Variants in DNAH8 observed in about 807,000 individuals in gnomAD.
DNAH8 encodes the protein axonemal beta dynein heavy chain 8.
Under a neutral mutation model 562.1 loss-of-function variants are expected in DNAH8, and 382 were observed. That is an observed-to-expected ratio of 0.68 (90% CI 0.63 to 0.74). DNAH8 has a LOEUF of 0.74. DNAH8 is among the 30% of genes least tolerant of loss of function. DNAH8 has a pLI of 0.00. For synonymous variants in DNAH8, 1,881 were observed against 1,919.4 expected (o/e 0.98, Z 0.52); for missense variants, 5,203 against 5,620.4 (o/e 0.93, Z 2.37).
chr6:38,875,444 T>A (rs1777919524), intron 52 of DNAH8, 147 bp from the exon 53 acceptor site: 1 of 528,044 alleles, frequency 1.9e-6, no homozygotes, highest in Non-Finnish European at 3.2e-6. Flanking sequence ...CTACGTGCTG[T>A]TGGCTGTAGG....
At chr6:38,880,437 A>G (rs555327091) in intron 53 of DNAH8, among the ~76,000 whole-genome samples, 1 of 152,302 alleles carries the variant, frequency 6.6e-6, no homozygotes, top group South Asian at 2.1e-4. Context: ...AGCAAAATCT[A>G]GCCAGTGCGA....
Position 38,872,515 on chromosome 6 carries a change from AT to A in DNAH8, c.6991-18del. ...AGAGACTCATAAATTACATATTTTA[AT>A]TTACTGGTTAATTGTGTAGTTATAT... is the stretch of plus-strand genomic sequence containing the variant. On this transcript the variant is annotated intron_variant, in intron 49 of 92. Transcript: ENST00000327475. The A allele has an allele frequency of 6.2e-7, 1 of 1,602,704 alleles. No individual in the cohort carries two copies. Among genetic ancestry groups the A allele is most frequent in the Non-Finnish European group, 8.5e-7 (1 of 1,172,812 alleles).
At chr6:38,988,125 T>G (rs771177942) in intron 87 of DNAH8, among the ~76,000 whole-genome samples, 30 of 152,236 alleles carry the variant, frequency 2.0e-4, no homozygotes, top group Non-Finnish European at 4.1e-4. Context: ...CCCTCTGACT[T>G]TCAATCTCGG....
rs1385617491 is a variant in DNAH8, at chr6:38,805,513, A to G, written c.3067A>G (p.Thr1023Ala). 1 of 1,610,720 alleles carries G rather than the reference A, an allele frequency of 6.2e-7. No homozygotes were observed. ...QRKHVVFGSE[T>A]GEGENNDYEA... ...GAAACACGTTGTTTTTGGAAGTGAA[A>G]CAGGAGAGGGTGAAAACAATGACTA... The change falls in exon 23 of 93, where the codon ACA (threonine) becomes GCA (alanine). Residue 1023 changes from threonine (T) to alanine (A), a missense_variant. Coordinates refer to ENST00000327475, the MANE Select transcript of DNAH8 (RefSeq NM_001206927.2).
intron 74 of DNAH8, among the ~76,000 whole-genome samples, chr6:38,929,161 G>T (rs1782339637): frequency 6.6e-6 from 1 of 152,112 alleles, no homozygotes; most frequent in African/African-American, 2.4e-5. Context: ...TATGCAAGTT[G>T]CTTTGCTTTC....
chr6:39,017,288 C>T (rs1766629445), intron 91 of DNAH8, among the ~76,000 whole-genome samples: 1 of 152,076 alleles, frequency 6.6e-6, no homozygotes, highest in Admixed American at 6.5e-5. Flanking sequence ...CTTTTCAGTG[C>T]ATCGTGTAAC....
rs150525261 is a variant in DNAH8, at chr6:38,823,876, G to A, written c.3847+188G>A. Among the ~76,000 whole-genome samples, 559 of 151,974 alleles carry A rather than the reference G, an allele frequency of 3.7e-3. 6 individuals are homozygous for A. Among genetic ancestry groups the A allele is most frequent in the African/African-American group, 0.013 (545 of 41,426 alleles). The stretch of plus-strand genomic sequence containing the variant: ...TTATAATATTATTATACCATTAAAA[G>A]TAATGGCAAAAACTGCAATTACTTT... On this transcript the variant is annotated intron_variant, in intron 28 of 92. Coordinates refer to ENST00000327475, the MANE Select transcript of DNAH8 (RefSeq NM_001206927.2).
At chr6:38,799,822 C>G (rs910095258) in intron 21 of DNAH8, among the ~76,000 whole-genome samples, 1 of 152,186 alleles carries the variant, frequency 6.6e-6, no homozygotes, top group Non-Finnish European at 1.5e-5. Context: ...TATAGACATG[C>G]CTATTCTGGA....
At position 38,918,079 on chromosome 6, in the gene DNAH8, T is replaced by C. The variant is rs1781447088; in HGVS notation, c.10463T>C (p.Leu3488Pro). 1 of 1,613,880 alleles carries C rather than the reference T, an allele frequency of 6.2e-7. No homozygotes were observed. Among genetic ancestry groups the C allele is most frequent in the East Asian group, 2.2e-5 (1 of 44,848 alleles). Reference protein sequence around the residue: ...KKVCGNVAGLLSWTLAMAIFY... With the variant: ...KKVCGNVAGLPSWTLAMAIFY... ...GTCTGTGGGAATGTGGCTGGTCTCC[T>C]GTCTTGGACACTTGCTATGGCAATA... The change falls in exon 70 of 93, where the codon CTG becomes CCG. Residue 3488 changes from leucine (L) to proline (P), a missense_variant. By Grantham distance (98) the Leu-to-Pro change is moderately conservative (BLOSUM62 -3). Around this residue, in one of 6 missense-constraint regions of DNAH8, gnomAD observed 1,399 missense variants for 1,518.4 expected, o/e 0.92. Transcript: ENST00000327475.
chr6:38,983,579 CA>C (rs1316982489), intron 86 of DNAH8, among the ~76,000 whole-genome samples: 3 of 152,026 alleles, frequency 2.0e-5, no homozygotes, highest in African/African-American at 7.2e-5. Context: ...AAAAAGTAAA[CA>C]AAAAGCAAAT....
chr6:39,027,559 G>A (rs1219029930), intron 92 of DNAH8, among the ~76,000 whole-genome samples: 2 of 152,340 alleles, frequency 1.3e-5, no homozygotes, highest in East Asian at 3.9e-4. Flanking sequence ...CAGGCACGGT[G>A]GCTCACGCCT....
Position 38,863,859 on chromosome 6 carries a change from G to C in DNAH8, c.6311-14G>C, listed in dbSNP as rs373968930. On this transcript the variant is annotated splice_polypyrimidine_tract_variant and intron_variant, in intron 44 of 92. Coordinates refer to ENST00000327475, the MANE Select transcript of DNAH8 (RefSeq NM_001206927.2). ...TAGAGTAAAACTTTACAAATTAACTGTTTTTCATGCCAGGTCTTGCACAGT... is the reference window on the plus strand; with the variant it reads ...TAGAGTAAAACTTTACAAATTAACTCTTTTTCATGCCAGGTCTTGCACAGT... 1 of 1,569,768 alleles carries C rather than the reference G, an allele frequency of 6.4e-7. No homozygotes were observed.
At chr6:38,829,371 T>A (rs937933574) in intron 30 of DNAH8, among the ~76,000 whole-genome samples, 1 of 152,174 alleles carries the variant, frequency 6.6e-6, no homozygotes. Context: ...GTTGTTGTTG[T>A]TGGTGTTTTT....
chr6:38,830,988 C>A (rs1773786945), intron 30 of DNAH8, among the ~76,000 whole-genome samples: 1 of 152,076 alleles, frequency 6.6e-6, no homozygotes, highest in Non-Finnish European at 1.5e-5. Flanking sequence ...AAGAAATAAA[C>A]TCATGTTTAT....
At chr6:38,948,990 A>G (rs1193234697) in intron 80 of DNAH8, among the ~76,000 whole-genome samples, 6 of 152,146 alleles carry the variant, frequency 3.9e-5, no homozygotes, top group Non-Finnish European at 7.4e-5. Context: ...AACTGAGGGT[A>G]ATCTACCCAC....
chr6:38,910,599 G>A (rs1046683102), intron 65 of DNAH8, among the ~76,000 whole-genome samples: 1 of 152,042 alleles, frequency 6.6e-6, no homozygotes, highest in Non-Finnish European at 1.5e-5. Context: ...GCCTGCTAAT[G>A]TCATCCATGG....
chr6:38,783,106 G>C lies in DNAH8; in HGVS notation c.2362G>C (p.Ala788Pro), dbSNP rs756762480. 5 of 1,613,848 alleles carry C rather than the reference G, an allele frequency of 3.1e-6. No individual in the cohort carries two copies. In the African/African-American group the frequency reaches 5.3e-5, roughly 17 times the overall value. The change falls in exon 17 of 93, where the codon GCC (alanine) becomes CCC (proline). Residue 788 changes from alanine (A) to proline (P), a missense_variant. This residue lies in a region of DNAH8 where 2,176 missense variants were observed against 2,365.1 expected (regional missense o/e 0.92). Transcript: ENST00000327475. ...GGAATTCGAGGTGGTCTATCACACA[G>C]CCTGGATCAGAGAGATTTCACAGTT... is the stretch of plus-strand genomic sequence containing the variant. ...LVEFEVVYHT[A>P]WIREISQLHY...
Position 38,779,982 on chromosome 6 carries a change from A to G in DNAH8, c.2056A>G (p.Ile686Val). 6.2e-7 allele frequency: 1 copy of G among 1,614,026 alleles called. No individual in the cohort carries two copies. The highest frequency in any genetic ancestry group is 8.5e-7 in the Non-Finnish European group (1 of 1,179,964). Reference sequence around the variant, plus strand: ...TACTTTTAGGTTTCAGAAGCTGAACATTCCCTGTCTGGGATTAGAAATAAA... The same window carrying G: ...TACTTTTAGGTTTCAGAAGCTGAACGTTCCCTGTCTGGGATTAGAAATAAA... ...QLLQRFQKLN[I>V]PCLGLEINHT... The change falls in exon 15 of 93, where the codon ATT (isoleucine) becomes GTT (valine). Residue 686 changes from isoleucine (I) to valine (V), a missense_variant. Physicochemically the swap from Ile to Val is conservative, Grantham distance 29 (BLOSUM62 3). Transcript: ENST00000327475.
At chr6:38,956,370 G>A (rs1240400189) in intron 82 of DNAH8, among the ~76,000 whole-genome samples, 1 of 152,172 alleles carries the variant, frequency 6.6e-6, no homozygotes, top group Non-Finnish European at 1.5e-5. Flanking sequence ...TCATCCTCCA[G>A]CAGATCCCAA....
Sources: gnomAD v4.1 joint callset for allele counts (sites outside exome capture counted in the v4.1 genomes callset) on GRCh38, gnomAD v4.1.1 for gene constraint, gnomAD v4.1.1 regional missense constraint, MANE v1.5 for transcripts, NCBI Gene and HGNC (gene_info 2026-07-23, HGNC 2026-07-21) for gene names.